The following TBP variants were observed in gnomAD, a reference collection of about 807,000 sequenced individuals.
TBP encodes TATA-box binding protein, also known as TATA-box-binding protein.
In TBP, 12 loss-of-function variants were observed where a neutral mutation model predicts 46.2. That is an observed-to-expected ratio of 0.26 (90% CI 0.17 to 0.42). The LOEUF (loss-of-function observed/expected upper bound fraction) is 0.42, where lower values mean the gene tolerates loss of function less well. Ranked by LOEUF, TBP falls within the 10% of genes least tolerant of loss-of-function variation. The pLI is 1.00. For missense variants in TBP, 229 were observed against 403.1 expected, an observed-to-expected ratio of 0.57 and a Z score of 3.70; for synonymous variants, 157 against 148.3, an observed-to-expected ratio of 1.06 and a Z score of -0.42.
chr6:170,569,094 G>A lies in TBP; in HGVS notation c.678-518G>A, dbSNP rs148876634. On this transcript the variant is annotated intron_variant, in intron 5 of 7. Transcript: ENST00000392092. Reference sequence around the variant, plus strand: ...TCCCAAAGTGCTTGGGATTAGAGGCGTGAGCCACCATGCCTGGCCCACATT... The same window carrying A: ...TCCCAAAGTGCTTGGGATTAGAGGCATGAGCCACCATGCCTGGCCCACATT... 2.3e-3 allele frequency among the ~76,000 whole-genome samples: 350 copies of A among 152,262 alleles called. 3 individuals carry two copies. The highest frequency in any genetic ancestry group is 7.9e-3 in the African/African-American group (327 of 41,556).
At chr6:170,564,455 A>AAAAAG in intron 3 of TBP, 90 bp from the exon 4 acceptor site, 1 of 864,050 alleles carries the variant, frequency 1.2e-6, no homozygotes, top group South Asian at 1.6e-5. Context: ...CCTGGTTGAA[A>AAAAAG]TAATCAGATG....
At chr6:170,559,127 T>C (rs1308933771) in intron 2 of TBP, among the ~76,000 whole-genome samples, 1 of 152,110 alleles carries the variant, frequency 6.6e-6, no homozygotes, top group Non-Finnish European at 1.5e-5. Flanking sequence ...CATTCCCCCA[T>C]CTCTCTCCCT....
rs1218913772 is a variant in TBP at position 170,557,027 on chromosome 6, ATCATGGATCAGAACAAC to A, written c.-2_15del. ...CTGGTTTGCCAAGAAGAAAGTGAAC[ATCATGGATCAGAACAAC>A]AGCCTGCCACCTTACGCTCAGGGCT... is the stretch of plus-strand genomic sequence containing the variant. On this transcript the variant is annotated start_lost and 5_prime_UTR_variant, in exon 2 of 8. Transcript: ENST00000392092. The A allele has an allele frequency of 6.2e-7, 1 of 1,614,032 alleles. No individual in the cohort carries two copies. Among genetic ancestry groups the A allele is most frequent in the Non-Finnish European group, 8.5e-7 (1 of 1,179,952 alleles).
At chr6:170,566,516 T>C (rs1383199094) in intron 4 of TBP, among the ~76,000 whole-genome samples, 1 of 151,092 alleles carries the variant, frequency 6.6e-6, no homozygotes, top group Non-Finnish European at 1.5e-5. Context: ...TATTGGTTTA[T>C]TTGCCTCAAA....
chr6:170,572,490 A>G lies in TBP; in HGVS notation c.*225A>G. ...CGCAGCGTGACTGTGAGTTGCTCAT[A>G]CCGTGCTGCTATCTGGGCAGCGCTG... On this transcript the variant is annotated 3_prime_UTR_variant, in exon 8 of 8. Coordinates refer to ENST00000392092, the MANE Select transcript of TBP (RefSeq NM_003194.5). 5.3e-6 allele frequency: 3 copies of G among 569,930 alleles called. No homozygotes were observed. Among genetic ancestry groups the G allele is most frequent in the South Asian group, 4.6e-5 (2 of 43,706 alleles). The allele number at this position is 569,930 out of a possible 1,614,324, so 35.3% of individuals were successfully genotyped here.
At chr6:170,555,678 C>T (rs2114987893) in intron 1 of TBP, among the ~76,000 whole-genome samples, 1 of 152,326 alleles carries the variant, frequency 6.6e-6, no homozygotes, top group East Asian at 1.9e-4. Context: ...ATTGTCTTCT[C>T]TTCCAGGGGT....
At chr6:170,556,198 T>C (rs561626945) in intron 1 of TBP, among the ~76,000 whole-genome samples, 1 of 152,332 alleles carries the variant, frequency 6.6e-6, no homozygotes, top group South Asian at 2.1e-4. Context: ...TTGAGACCTC[T>C]AAGTTCTATG....
intron 6 of TBP, among the ~76,000 whole-genome samples, chr6:170,570,827 C>T (rs1779353626): frequency 6.6e-6 from 1 of 151,036 alleles, no homozygotes; most frequent in African/African-American, 2.4e-5. Context: ...AGCAAGACTC[C>T]GTCTCAAAAA....
In TBP at chr6:170,572,252, G is replaced by A. The variant is rs1349833584; in HGVS notation, c.1007G>A (p.Arg336Lys). Reference sequence around the variant, plus strand: ...ATCTACCCTATTCTAAAGGGATTCAGGAAGACGACGTAATGGCTCTCATGT... The same window carrying A: ...ATCTACCCTATTCTAAAGGGATTCAAGAAGACGACGTAATGGCTCTCATGT... ...ENIYPILKGFRKTT is the reference protein window; with the variant it reads ...ENIYPILKGFKKTT Residue 336 changes from arginine (R) to lysine (K), a missense_variant, in exon 8 of 8, where the codon AGG becomes AAG. Transcript: ENST00000392092. The A allele has an allele frequency of 6.2e-6, 10 of 1,613,318 alleles. No homozygotes were observed. The highest frequency in any genetic ancestry group is 8.5e-6 in the Non-Finnish European group (10 of 1,179,734).
Position 170,572,161 on chromosome 6 carries a change from TCTCTA to T in TBP, c.941-21_941-17del. 1 of 1,586,510 alleles carries T rather than the reference TCTCTA, an allele frequency of 6.3e-7. No homozygotes were observed. ...TAAGAAGTGCCATTTCAGTCTCTCA[TCTCTA>T]CTCCAACTTGTCTTCTTAGGTGCTA... On this transcript the variant is annotated intron_variant, in intron 7 of 7. Transcript: ENST00000392092.
intron 5 of TBP, chr6:170,567,524 T>C (rs1173642595): frequency 6.6e-6 from 1 of 152,108 alleles, no homozygotes; most frequent in Non-Finnish European, 1.5e-5. Flanking sequence ...TAATACAACA[T>C]CAGAACTATT....
chr6:170,557,090 T>G lies in TBP; in HGVS notation c.54+7T>G. 1 of 1,613,510 alleles carries G rather than the reference T, an allele frequency of 6.2e-7. No individual in the cohort carries two copies. The highest frequency in any genetic ancestry group is 8.5e-7 in the Non-Finnish European group (1 of 1,179,482). ...GGGCTTGGCCTCCCCTCAGGTAATA[T>G]AGCAGGAGGGAGAGAATAGGGAGGG... On this transcript the variant is annotated splice_region_variant and intron_variant, in intron 2 of 7. Coordinates refer to ENST00000392092, the MANE Select transcript of TBP (RefSeq NM_003194.5).
intron 6 of TBP, among the ~76,000 whole-genome samples, chr6:170,570,832 CA>C (rs879630928): frequency 2.7e-4 from 38 of 140,630 alleles, no homozygotes; most frequent in East Asian, 1.0e-3. Flanking sequence ...GACTCCGTCT[CA>C]AAAAAAAAAA....
At chr6:170,557,625 C>T (rs1339682875) in intron 2 of TBP, among the ~76,000 whole-genome samples, 1 of 148,122 alleles carries the variant, frequency 6.8e-6, no homozygotes, top group Non-Finnish European at 1.5e-5. Context: ...ATCCCAGCTA[C>T]TCGGGAGGCT....
intron 2 of TBP, among the ~76,000 whole-genome samples, chr6:170,560,907 A>T (rs1261393141): frequency 6.6e-6 from 1 of 152,204 alleles, no homozygotes; most frequent in Non-Finnish European, 1.5e-5. Context: ...TTAGTTGATA[A>T]AGCAGCAGCA....
intron 4 of TBP, among the ~76,000 whole-genome samples, chr6:170,565,079 C>A (rs906430793): frequency 4.6e-5 from 7 of 152,080 alleles, no homozygotes; most frequent in African/African-American, 1.7e-4. Flanking sequence ...ATCACTTGAT[C>A]CTGGGAGGCA....
At chr6:170,570,647 A>G (rs1779350710) in intron 6 of TBP, among the ~76,000 whole-genome samples, 1 of 152,230 alleles carries the variant, frequency 6.6e-6, no homozygotes, top group African/African-American at 2.4e-5. Context: ...AGCCTGGCCA[A>G]CATGGTGAAA....
At chr6:170,556,651 G>A (rs976227141) in intron 1 of TBP, among the ~76,000 whole-genome samples, 5 of 152,058 alleles carry the variant, frequency 3.3e-5, no homozygotes, top group South Asian at 2.1e-4. Flanking sequence ...AGCATTTTCC[G>A]ATTATTTAAA....
At chr6:170,569,170 A>G (rs1433552509) in intron 5 of TBP, among the ~76,000 whole-genome samples, 1 of 152,196 alleles carries the variant, frequency 6.6e-6, no homozygotes, top group Non-Finnish European at 1.5e-5. Flanking sequence ...TTATTCAACA[A>G]ATGACATAGG....
Sources: gnomAD v4.1 joint callset for allele counts (sites outside exome capture counted in the v4.1 genomes callset) on GRCh38, gnomAD v4.1.1 for gene constraint, MANE v1.5 for transcripts, NCBI Gene and HGNC (gene_info 2026-07-23, HGNC 2026-07-21) for gene names.